The following MALRD1 variants were observed in gnomAD, a reference collection of about 807,000 sequenced individuals.
MALRD1 encodes the protein MAM and LDL-receptor class A domain-containing protein 1.
A neutral mutation model predicts 242.1 loss-of-function variants in MALRD1; 247 were observed. The ratio of observed to expected loss-of-function variants is 1.02; its 90% CI spans 0.92 to 1.13. The LOEUF (loss-of-function observed/expected upper bound fraction) is 1.13. Among genes scored for constraint, MALRD1 ranks in the 50% most tolerant of loss-of-function variants. The pLI is 0.00. For missense variants in MALRD1, 2,989 were observed against 2,533.1 expected, an observed-to-expected ratio of 1.18 and a Z score of -3.86; for synonymous variants, 995 against 866.6, an observed-to-expected ratio of 1.15 and a Z score of -2.60.
intron 31 of MALRD1, among the ~76,000 whole-genome samples, chr10:19,518,946 C>A (rs10494868): frequency 0.09 from 13,711 of 152,164 alleles, 645 homozygotes; most frequent in South Asian, 0.11. Flanking sequence ...AATTAGACAG[C>A]ATTATCCCTA....
chr10:19,495,375 A>G (rs1174037997), intron 30 of MALRD1, among the ~76,000 whole-genome samples: 3 of 152,190 alleles, frequency 2.0e-5, no homozygotes, highest in African/African-American at 7.2e-5. Context: ...TCATCAGACT[A>G]ATAGTGAATC....
At position 19,591,784 on chromosome 10, in the gene MALRD1, C is replaced by T. The variant is rs546743773; in HGVS notation, c.5681-3410C>T. On this transcript the variant is annotated intron_variant, in intron 33 of 39. Coordinates refer to ENST00000454679, the MANE Select transcript of MALRD1 (RefSeq NM_001142308.3). Reference sequence around the variant, plus strand: ...AACTGTTGGGATTACAGGCATGAGCCGCTATGCCCATCCGGCCACACTTCT... The same window carrying T: ...AACTGTTGGGATTACAGGCATGAGCTGCTATGCCCATCCGGCCACACTTCT... 9.8e-5 allele frequency among the ~76,000 whole-genome samples: 15 copies of T among 152,314 alleles called. No homozygotes were observed. In the East Asian group the frequency reaches 2.1e-3, roughly 22 times the overall value.
intron 28 of MALRD1, among the ~76,000 whole-genome samples, chr10:19,440,640 A>C (rs1041955850): frequency 1.3e-5 from 2 of 152,112 alleles, no homozygotes; most frequent in African/African-American, 4.8e-5. Context: ...GATGGTTTCC[A>C]GCTTCATCCA....
chr10:19,534,988 C>T (rs939785810), intron 32 of MALRD1, among the ~76,000 whole-genome samples: 4 of 152,184 alleles, frequency 2.6e-5, no homozygotes, highest in East Asian at 1.9e-4. Flanking sequence ...CTGGTTCAAG[C>T]GATTCTCCTG....
At chr10:19,316,632 C>G (rs867234321) in intron 21 of MALRD1, among the ~76,000 whole-genome samples, 1 of 151,732 alleles carries the variant, frequency 6.6e-6, no homozygotes, top group Admixed American at 6.6e-5. Context: ...TTCCGCACAA[C>G]GAGGAATGAT....
intron 32 of MALRD1, among the ~76,000 whole-genome samples, chr10:19,547,751 T>G (rs1835271120): frequency 7.7e-6 from 1 of 130,538 alleles, no homozygotes; most frequent in Admixed American, 8.4e-5. Context: ...ACACTTCATT[T>G]TATTGTACTC....
At chr10:19,271,656 G>C (rs1840249371) in intron 19 of MALRD1, among the ~76,000 whole-genome samples, 1 of 152,066 alleles carries the variant, frequency 6.6e-6, no homozygotes, top group South Asian at 2.1e-4. Flanking sequence ...CCAGCTACTT[G>C]GGAGGCTGAG....
chr10:19,491,504 T>C lies in MALRD1; in HGVS notation c.5030-13T>C, dbSNP rs142437101. 4,868 of 1,548,308 alleles carry C rather than the reference T, an allele frequency of 3.1e-3. 114 individuals are homozygous for C. In the African/African-American group the frequency reaches 0.059, roughly 19 times the overall value. On this transcript the variant is annotated splice_polypyrimidine_tract_variant and intron_variant, in intron 29 of 39. Transcript: ENST00000454679. Reference sequence around the variant, plus strand: ...TGATGGAATACTGCTTTTGTTTTTTTGTTTTTCCCTAGTGGGAGAGATCTC... The same window carrying C: ...TGATGGAATACTGCTTTTGTTTTTTCGTTTTTCCCTAGTGGGAGAGATCTC...
rs368014044 is a variant in MALRD1 at position 19,615,843 on chromosome 10, A to G, written c.6071-14A>G. ...TTTATAATTAACTGGTGTCTTTGTGATGCTTCTTTTTAGAATGTCCATTAA... is the reference window on the plus strand; with the variant it reads ...TTTATAATTAACTGGTGTCTTTGTGGTGCTTCTTTTTAGAATGTCCATTAA... On this transcript the variant is annotated splice_polypyrimidine_tract_variant and intron_variant, in intron 35 of 39. Transcript: ENST00000454679. 1.9e-5 allele frequency: 29 copies of G among 1,522,412 alleles called. No individual in the cohort carries two copies. The highest frequency in any genetic ancestry group is 4.9e-5 in the East Asian group (2 of 40,516). 94.3% of individuals were successfully genotyped at this position (1,522,412 alleles called of 1,614,324 possible). A position where few individuals can be genotyped will look rare whatever the true frequency, so the allele number is the denominator to read the frequency against.
At chr10:19,358,546 A>T (rs2131022180) in intron 26 of MALRD1, among the ~76,000 whole-genome samples, 1 of 152,288 alleles carries the variant, frequency 6.6e-6, no homozygotes, top group South Asian at 2.1e-4. Flanking sequence ...GCTGAGATTT[A>T]AAGACATAAA....
At chr10:19,060,703 C>T (rs1222873515) in intron 1 of MALRD1, among the ~76,000 whole-genome samples, 1 of 152,084 alleles carries the variant, frequency 6.6e-6, no homozygotes, top group Non-Finnish European at 1.5e-5. Context: ...TTCTAACTTT[C>T]CTAGAGGCAA....
At chr10:19,431,077 G>A (rs1375770173) in intron 28 of MALRD1, among the ~76,000 whole-genome samples, 1 of 152,158 alleles carries the variant, frequency 6.6e-6, no homozygotes, top group Non-Finnish European at 1.5e-5. Context: ...TGTGTGCCAT[G>A]GTAGTTTGCT....
intron 36 of MALRD1, among the ~76,000 whole-genome samples, chr10:19,667,649 A>G (rs1198853553): frequency 6.6e-6 from 1 of 151,866 alleles, no homozygotes; most frequent in African/African-American, 2.4e-5. Context: ...TGCTTTCACC[A>G]TGTAATGTGC....
chr10:19,597,165 T>G (rs1838139019), intron 34 of MALRD1, among the ~76,000 whole-genome samples: 1 of 152,160 alleles, frequency 6.6e-6, no homozygotes, highest in Non-Finnish European at 1.5e-5. Flanking sequence ...AATCTTTTCT[T>G]AGAAACAAGG....
intron 21 of MALRD1, among the ~76,000 whole-genome samples, chr10:19,319,487 T>G (rs1842833321): frequency 1.3e-5 from 2 of 152,132 alleles, no homozygotes; most frequent in Admixed American, 1.3e-4. Flanking sequence ...TCTGGATTGT[T>G]TGTTTGTTCT....
chr10:19,117,846 A>G (rs774839210), intron 5 of MALRD1, among the ~76,000 whole-genome samples: 13 of 152,226 alleles, frequency 8.5e-5, no homozygotes, highest in Non-Finnish European at 1.6e-4. Context: ...AAAATTTTTC[A>G]TCAGGTTGTT....
intron 1 of MALRD1, among the ~76,000 whole-genome samples, chr10:19,050,564 T>A (rs1372020334): frequency 6.6e-6 from 1 of 152,226 alleles, no homozygotes. Context: ...CTCTGTAGAA[T>A]GAAACAGGCT....
At position 19,112,150 on chromosome 10, in the gene MALRD1, A is replaced by ATT. The variant is rs5783654; in HGVS notation, c.694+8093_694+8094dup. Among the ~76,000 whole-genome samples the ATT allele has an allele frequency of 4.6e-3, 649 of 140,058 alleles. 8 individuals carry two copies. Among genetic ancestry groups the ATT allele is most frequent in the African/African-American group, 0.016 (590 of 37,780 alleles). 91.9% of individuals were successfully genotyped at this position (140,058 alleles called of 152,430 possible). A position where few individuals can be genotyped will look rare whatever the true frequency, so the allele number is the denominator to read the frequency against. ...CTGAATTTTAAATAAGATTCTCAGG[A>ATT]TTTTTTTTTTTTTTTTTTTATGAAG... On this transcript the variant is annotated intron_variant, in intron 5 of 39. Transcript: ENST00000454679.
intron 38 of MALRD1, among the ~76,000 whole-genome samples, chr10:19,693,351 T>C (rs966408662): frequency 6.6e-6 from 1 of 152,032 alleles, no homozygotes; most frequent in Non-Finnish European, 1.5e-5. Flanking sequence ...AAAATCTCCT[T>C]AAGCTGATAG....
Sources: allele counts gnomAD v4.1 joint callset (sites outside exome capture counted in the v4.1 genomes callset), GRCh38; gene constraint gnomAD v4.1.1; transcripts MANE v1.5; gene names NCBI Gene and HGNC (gene_info 2026-07-23, HGNC 2026-07-21).